Variants in SLC23A2 observed in about 807,000 individuals in gnomAD.
The protein encoded by SLC23A2 is solute carrier family 23 member 2.
In SLC23A2, 36 loss-of-function variants were observed where a neutral mutation model predicts 73.3. The observed-to-expected ratio is 0.49, with a 90% CI of 0.38 to 0.65. The LOEUF (loss-of-function observed/expected upper bound fraction) is 0.65, where lower values mean the gene tolerates loss of function less well. Ranked by LOEUF, SLC23A2 falls within the 30% of genes least tolerant of loss-of-function variation. The pLI, the probability that SLC23A2 is intolerant of heterozygous loss-of-function variation, is 0.00. For synonymous variants in SLC23A2, 343 were observed against 327.3 expected (o/e 1.05, Z -0.52); for missense variants, 507 against 841.6 (o/e 0.60, Z 4.92).
intron 4 of SLC23A2, among the ~76,000 whole-genome samples, chr20:4,911,025 C>A (rs550727896): frequency 5.3e-5 from 8 of 152,308 alleles, no homozygotes; most frequent in Admixed American, 5.2e-4. Flanking sequence ...TAAAGACGAT[C>A]TCCAGACAGA....
At chr20:4,927,955 C>A (rs1374186529) in intron 3 of SLC23A2, among the ~76,000 whole-genome samples, 1 of 152,176 alleles carries the variant, frequency 6.6e-6, no homozygotes, top group Non-Finnish European at 1.5e-5. Context: ...GCAAATCATT[C>A]AAAATGGTCT....
At chr20:5,009,174 A>G (rs2088222500) in intron 1 of SLC23A2, among the ~76,000 whole-genome samples, 1 of 152,052 alleles carries the variant, frequency 6.6e-6, no homozygotes, top group African/African-American at 2.4e-5. Flanking sequence ...TTGTGACTGC[A>G]TTTCCTAGTG....
Position 4,857,048 on chromosome 20 carries a change from A to G in SLC23A2, c.1877T>C (p.Val626Ala). ...CCTGAGGCCTTTCCATGTGTAGCCC[A>G]CAAAGGTTGGGCTGATGGGTAAGTA... ...FSYLPISPTF[V>A]GYTWKGLRKS... Residue 626 changes from valine to alanine, a missense_variant, in exon 17 of 17, where the codon GTG becomes GCG. Coordinates refer to ENST00000338244, the MANE Select transcript of SLC23A2 (RefSeq NM_005116.6). The surrounding 1 kb of genome is among the most constrained non-coding windows in gnomAD (Gnocchi z 4.0). 1.2e-6 allele frequency: 2 copies of G among 1,614,194 alleles called. No individual in the cohort carries two copies. The highest frequency in any genetic ancestry group is 2.7e-5 in the African/African-American group (2 of 75,070).
intron 2 of SLC23A2, among the ~76,000 whole-genome samples, chr20:4,933,439 C>T (rs1932810684): frequency 6.7e-6 from 1 of 149,286 alleles, no homozygotes; most frequent in Non-Finnish European, 1.5e-5. Flanking sequence ...CATAGTGAAA[C>T]CCCGTCTCTA....
intron 2 of SLC23A2, among the ~76,000 whole-genome samples, chr20:4,961,361 C>T (rs1290591748): frequency 6.6e-6 from 1 of 151,968 alleles, no homozygotes; most frequent in Non-Finnish European, 1.5e-5. Context: ...GGATTACAGG[C>T]GTGAGCCACC....
At chr20:4,970,663 G>A (rs2087546535) in intron 2 of SLC23A2, 130 bp downstream of exon 2, 1 of 152,224 alleles carries the variant, frequency 6.6e-6, no homozygotes, top group Non-Finnish European at 1.5e-5. Context: ...CATAAGCCCA[G>A]TAGGCCAAGG....
At chr20:5,006,781 AC>A (rs2088196534) in intron 1 of SLC23A2, among the ~76,000 whole-genome samples, 2 of 151,438 alleles carry the variant, frequency 1.3e-5, no homozygotes, top group Admixed American at 6.6e-5. Flanking sequence ...CCTCAAGTGA[AC>A]CACCTGCCTT....
chr20:4,866,085 G>A (rs6052945), intron 13 of SLC23A2, among the ~76,000 whole-genome samples: 6 of 152,154 alleles, frequency 3.9e-5, no homozygotes, highest in African/African-American at 1.2e-4. Flanking sequence ...TGCCCACCTC[G>A]GCCTCCCAAA....
At chr20:4,882,688 C>T (rs1276415920) in intron 9 of SLC23A2, among the ~76,000 whole-genome samples, 2 of 152,112 alleles carry the variant, frequency 1.3e-5, no homozygotes, top group Non-Finnish European at 2.9e-5. Flanking sequence ...GCTCAGTGTC[C>T]TCTGCTGTTA....
chr20:4,916,957 G>A (rs1013217357), intron 3 of SLC23A2, among the ~76,000 whole-genome samples: 1 of 152,180 alleles, frequency 6.6e-6, no homozygotes, highest in East Asian at 1.9e-4. Context: ...TTTTAGGGGT[G>A]TAACTCTGTC....
rs1384682830 is a variant in SLC23A2, at chr20:4,899,530, T to A, written c.482+25A>T. 6.2e-7 allele frequency: 1 copy of A among 1,609,688 alleles called. No homozygotes were observed. The highest frequency in any genetic ancestry group is 8.5e-7 in the Non-Finnish European group (1 of 1,176,516). On this transcript the variant is annotated intron_variant, in intron 6 of 16. Transcript: ENST00000338244. This position sits in a 1 kb window ranked among gnomAD's most constrained non-coding sequence, Gnocchi z 4.9. ...TCAATGCCTTCTGGGGGCTTTGGCATCCCCCATTAGTACCCCAATCTCACC... is the reference window on the plus strand; with the variant it reads ...TCAATGCCTTCTGGGGGCTTTGGCAACCCCCATTAGTACCCCAATCTCACC...
chr20:4,906,069 G>A (rs1040775740), intron 4 of SLC23A2, among the ~76,000 whole-genome samples: 4 of 152,166 alleles, frequency 2.6e-5, no homozygotes, highest in Non-Finnish European at 5.9e-5. Flanking sequence ...CAGGCATGGT[G>A]GCTCATGTCT....
intron 12 of SLC23A2, 92 bp from the exon 13 acceptor site, chr20:4,867,967 G>T: frequency 1.4e-6 from 1 of 727,036 alleles, no homozygotes; most frequent in Non-Finnish European, 2.3e-6. Flanking sequence ...ATCCAAAAAT[G>T]TGGTCCAGAG....
intron 16 of SLC23A2, among the ~76,000 whole-genome samples, chr20:4,858,521 G>C (rs1929827520): frequency 6.7e-6 from 1 of 148,550 alleles, no homozygotes; most frequent in Non-Finnish European, 1.5e-5. Context: ...GCAATCTCTT[G>C]ATTGAGGTTT....
At position 4,872,351 on chromosome 20, in the gene SLC23A2, C is replaced by T. The variant is rs551652620; in HGVS notation, c.1102+1585G>A. On this transcript the variant is annotated intron_variant, in intron 11 of 16. Coordinates refer to ENST00000338244, the MANE Select transcript of SLC23A2 (RefSeq NM_005116.6). The surrounding 1 kb of genome is among the most constrained non-coding windows in gnomAD (Gnocchi z 4.4). ...TGGTACCCCACCAGCCCTCGGCAGG[C>T]CAGGAGCCCTACGTGCTCGCTCACG... Among the ~76,000 whole-genome samples, 1 of 152,292 alleles carries T rather than the reference C, an allele frequency of 6.6e-6. No homozygotes were observed. The highest frequency in any genetic ancestry group is 2.4e-5 in the African/African-American group (1 of 41,572).
chr20:4,900,953 A>T (rs1931722748), intron 5 of SLC23A2, among the ~76,000 whole-genome samples: 1 of 152,034 alleles, frequency 6.6e-6, no homozygotes, highest in South Asian at 2.1e-4. Flanking sequence ...GGGGTGAAAT[A>T]CTCCTGTTCA....
intron 3 of SLC23A2, among the ~76,000 whole-genome samples, chr20:4,931,319 C>T (rs183234338): frequency 5.3e-5 from 8 of 152,122 alleles, no homozygotes; most frequent in South Asian, 2.1e-4. Flanking sequence ...CATTCCAACT[C>T]GGGTGACACA....
At chr20:4,876,486 C>T (rs1349822182) in intron 9 of SLC23A2, among the ~76,000 whole-genome samples, 3 of 152,156 alleles carry the variant, frequency 2.0e-5, no homozygotes, top group Non-Finnish European at 4.4e-5. Flanking sequence ...TGGGGGCAGG[C>T]ACCCTGTGAC....
chr20:5,006,253 G>A (rs1459743089), upstream of SLC23A2, among the ~76,000 whole-genome samples: 3 of 150,466 alleles, frequency 2.0e-5, no homozygotes, highest in South Asian at 2.1e-4. Flanking sequence ...GCCTGCCACC[G>A]CACCCAGCTA....
Sources: gnomAD v4.1 joint callset for allele counts (sites outside exome capture counted in the v4.1 genomes callset) on GRCh38, gnomAD v4.1.1 for gene constraint, Gnocchi (gnomAD v3.1) non-coding constraint, MANE v1.5 for transcripts, NCBI Gene and HGNC (gene_info 2026-07-23, HGNC 2026-07-21) for gene names.